The following NXPE2 variants were observed in gnomAD, a reference collection of about 807,000 sequenced individuals.
NXPE2 encodes NXPE family member 2.
Under a neutral mutation model 34.4 loss-of-function variants are expected in NXPE2, and 34 were observed. That is an observed-to-expected ratio of 0.99 (90% CI 0.75 to 1.31). The LOEUF is 1.31. Among genes scored for constraint, NXPE2 ranks in the 40% most tolerant of loss-of-function variants. The pLI is 0.00. For missense variants in NXPE2, 649 were observed against 672.5 expected, an observed-to-expected ratio of 0.97 and a Z score of 0.39; for synonymous variants, 235 against 231.3, an observed-to-expected ratio of 1.02 and a Z score of -0.15.
the NXPE2 span, among the ~76,000 whole-genome samples, chr11:114,755,736 ATCTCTC>A: frequency 0.11 from 16,141 of 148,160 alleles, 970 homozygotes; most frequent in Middle Eastern, 0.17. Context: ...CTCTTCACCC[ATCTCTC>A]TCTCTCTCTC....
At chr11:114,725,408 T>C in the NXPE2 span, among the ~76,000 whole-genome samples, 4 of 152,212 alleles carry the variant, frequency 2.6e-5, no homozygotes, top group South Asian at 8.3e-4. Context: ...ATAGCCTCCT[T>C]CTTCCTCATC....
chr11:114,721,875 A>G, the NXPE2 span, among the ~76,000 whole-genome samples: 2 of 152,266 alleles, frequency 1.3e-5, no homozygotes, highest in Non-Finnish European at 2.9e-5. Flanking sequence ...TCTACTGCCC[A>G]TAGATAGAAA....
the NXPE2 span, chr11:114,582,645 AAGTC>A: frequency 6.2e-7 from 1 of 1,614,154 alleles, no homozygotes; most frequent in South Asian, 1.1e-5. Context: ...GCCGTTGTTG[AAGTC>A]AGTCACCTTT....
the NXPE2 span, among the ~76,000 whole-genome samples, chr11:114,795,814 A>G: frequency 4.9e-3 from 748 of 152,364 alleles, 2 homozygotes; most frequent in South Asian, 0.022. Context: ...CAGCCAGCCT[A>G]GGACCAAACC....
chr11:114,751,815 C>T, the NXPE2 span, among the ~76,000 whole-genome samples: 1 of 151,988 alleles, frequency 6.6e-6, no homozygotes, highest in Non-Finnish European at 1.5e-5. Context: ...CCAGGCAGGC[C>T]CTATGTAATC....
At chr11:114,652,310 C>T in the NXPE2 span, among the ~76,000 whole-genome samples, 3 of 152,204 alleles carry the variant, frequency 2.0e-5, no homozygotes, top group African/African-American at 7.2e-5. Flanking sequence ...CTGTTCCTTC[C>T]TACCCCTTTG....
the NXPE2 span, chr11:114,551,000 G>T: frequency 1.6e-6 from 1 of 642,898 alleles, no homozygotes; most frequent in Non-Finnish European, 2.8e-6. Flanking sequence ...AGTAGTTGAG[G>T]TGGGGGAGGA....
At chr11:114,545,214 T>C in the NXPE2 span, among the ~76,000 whole-genome samples, 2 of 152,202 alleles carry the variant, frequency 1.3e-5, no homozygotes, top group African/African-American at 4.8e-5. Flanking sequence ...TTCTCCTGTA[T>C]ACATATCCAG....
At chr11:114,713,730 AT>A in the NXPE2 span, among the ~76,000 whole-genome samples, 2 of 152,228 alleles carry the variant, frequency 1.3e-5, no homozygotes, top group African/African-American at 4.8e-5. Context: ...GTTAGGAGGC[AT>A]GTGATTAAAA....
chr11:114,791,179 T>C, the NXPE2 span, among the ~76,000 whole-genome samples: 14 of 151,288 alleles, frequency 9.3e-5, no homozygotes, highest in East Asian at 1.7e-3. Context: ...ATGATTCCGT[T>C]TGAAAAAAAA....
At chr11:114,781,289 C>T in the NXPE2 span, among the ~76,000 whole-genome samples, 1 of 152,186 alleles carries the variant, frequency 6.6e-6, no homozygotes, top group African/African-American at 2.4e-5. Context: ...TCCAAGGGAG[C>T]AGGGCACAGA....
chr11:114,560,483 T>C, the NXPE2 span, among the ~76,000 whole-genome samples: 1 of 152,010 alleles, frequency 6.6e-6, no homozygotes, highest in Non-Finnish European at 1.5e-5. Context: ...CCCAGGCTGG[T>C]CTTGAACTCC....
the NXPE2 span, among the ~76,000 whole-genome samples, chr11:114,568,118 A>G: frequency 1.3e-5 from 2 of 151,758 alleles, no homozygotes; most frequent in South Asian, 2.1e-4. Context: ...GAGAATTATC[A>G]TTCTGAATGT....
At chr11:114,611,698 G>T in the NXPE2 span, among the ~76,000 whole-genome samples, 1 of 151,734 alleles carries the variant, frequency 6.6e-6, no homozygotes, top group South Asian at 2.1e-4. Flanking sequence ...CTGTTACCCG[G>T]TGGATAGTTA....
At chr11:114,602,018 ATAAT>A in the NXPE2 span, among the ~76,000 whole-genome samples, 3 of 87,728 alleles carry the variant, frequency 3.4e-5, no homozygotes, top group Admixed American at 2.1e-4. Context: ...TATATTATAT[ATAAT>A]ATATGTTATA....
the NXPE2 span, among the ~76,000 whole-genome samples, chr11:114,617,941 TA>T: frequency 1.3e-5 from 2 of 152,018 alleles, no homozygotes; most frequent in African/African-American, 4.8e-5. Context: ...GCATAATAAG[TA>T]TTGCCTCGTG....
chr11:114,597,383 CAGAT>C, the NXPE2 span, among the ~76,000 whole-genome samples: 1 of 152,000 alleles, frequency 6.6e-6, no homozygotes, highest in Non-Finnish European at 1.5e-5. Context: ...TGTAAAGAAT[CAGAT>C]AGAAAATATT....
At chr11:114,656,833 C>T in the NXPE2 span, among the ~76,000 whole-genome samples, 1 of 152,060 alleles carries the variant, frequency 6.6e-6, no homozygotes, top group Non-Finnish European at 1.5e-5. Flanking sequence ...AAATTACTGC[C>T]TGTAATCCCA....
Position 114,678,636 on chromosome 11 carries a change from C to T in NXPE2, c.26+35C>T, listed in dbSNP as rs747530357. The T allele has an allele frequency of 1.3e-5, 20 of 1,521,062 alleles. No individual in the cohort carries two copies. The East Asian group carries it at 1.7e-4, about 13-fold the overall frequency. The allele number at this position is 1,521,062 out of a possible 1,614,324, so 94.2% of individuals were successfully genotyped here. The stretch of plus-strand genomic sequence containing the variant: ...TTTCCAACTCTTACTGCCAAGCTAA[C>T]GTCAGGGAAGGGAGGGGAGAACTAT... On this transcript the variant is annotated intron_variant, in intron 1 of 5. Coordinates refer to ENST00000389586, the MANE Select transcript of NXPE2 (RefSeq NM_182495.6).
Sources: allele counts gnomAD v4.1 joint callset (sites outside exome capture counted in the v4.1 genomes callset), GRCh38; gene constraint gnomAD v4.1.1; transcripts MANE v1.5; gene names NCBI Gene and HGNC (gene_info 2026-07-23, HGNC 2026-07-21).